STXBP4: variants seen among roughly 807,000 people sequenced by gnomAD.
The protein encoded by STXBP4 is syntaxin binding protein 4.
STXBP4 carries 55 observed loss-of-function variants against 76.1 expected under a neutral mutation model. That is an observed-to-expected ratio of 0.72 (90% confidence interval 0.58 to 0.91). STXBP4 has a LOEUF of 0.91. Among genes scored for constraint, STXBP4 ranks in the 40% least tolerant of loss-of-function variants. STXBP4 has a pLI of 0.00. For synonymous variants in STXBP4, 201 were observed against 220.2 expected, an observed-to-expected ratio of 0.91 and a Z score of 0.77; for missense variants, 618 against 636.9, an observed-to-expected ratio of 0.97 and a Z score of 0.32.
intron 16 of STXBP4, among the ~76,000 whole-genome samples, chr17:55,122,516 A>T (rs1045577164): frequency 6.6e-6 from 1 of 152,230 alleles, no homozygotes; most frequent in Non-Finnish European, 1.5e-5. Flanking sequence ...TAAATGAAGG[A>T]ATGTGGTCTA....
intron 1 of STXBP4, among the ~76,000 whole-genome samples, chr17:54,984,467 C>T (rs1250384483): frequency 2.0e-5 from 3 of 151,366 alleles, no homozygotes; most frequent in South Asian, 2.1e-4. Context: ...CTCAGCCTCC[C>T]GAGTAGCTGG....
chr17:54,989,515 C>T (rs2077682187), intron 3 of STXBP4, among the ~76,000 whole-genome samples: 2 of 152,096 alleles, frequency 1.3e-5, no homozygotes, highest in Non-Finnish European at 2.9e-5. Flanking sequence ...TCACATTTTG[C>T]CTCTGAAGTA....
rs2080396709 is a variant in STXBP4 at position 55,169,855 on chromosome 17, G to C, written c.*9944G>C. 6.6e-6 allele frequency: 1 copy of C among 152,208 alleles called. No individual in the cohort carries two copies. Among genetic ancestry groups the C allele is most frequent in the Non-Finnish European group, 1.5e-5 (1 of 68,040 alleles). The allele number at this position is 152,208 out of a possible 1,614,324, so 9.4% of individuals were successfully genotyped here. A position where few individuals can be genotyped will look rare whatever the true frequency, so the allele number is the denominator to read the frequency against. ...ACAATCCAAGACAGATAATTTTGTA[G>C]TATTTACTGTGTGAAGTGAACCTTT... On this transcript the variant is annotated 3_prime_UTR_variant, in exon 18 of 18. Transcript: ENST00000376352.
intron 16 of STXBP4, among the ~76,000 whole-genome samples, chr17:55,123,389 T>C (rs1277393208): frequency 6.6e-6 from 1 of 152,198 alleles, no homozygotes; most frequent in East Asian, 1.9e-4. Flanking sequence ...CAGGTTTTTT[T>C]CCTGAATTAA....
At chr17:55,014,234 T>G (rs191742336) in intron 8 of STXBP4, among the ~76,000 whole-genome samples, 158 of 152,242 alleles carry the variant, frequency 1.0e-3, no homozygotes, top group Non-Finnish European at 8.8e-5. Context: ...GGGCATTCTT[T>G]CCTTGTCCAT....
chr17:55,019,100 TA>T (rs2078259341), intron 8 of STXBP4, among the ~76,000 whole-genome samples: 1 of 152,270 alleles, frequency 6.6e-6, no homozygotes, highest in Non-Finnish European at 1.5e-5. Context: ...CTACTAGTCT[TA>T]TGTAAGAGTT....
At chr17:55,120,211 T>C (rs933361267) in intron 16 of STXBP4, among the ~76,000 whole-genome samples, 1 of 152,234 alleles carries the variant, frequency 6.6e-6, no homozygotes, top group Non-Finnish European at 1.5e-5. Context: ...TCAGTCTTTA[T>C]TGTTCTATAC....
chr17:55,144,301 A>G (rs1274855327), intron 17 of STXBP4, among the ~76,000 whole-genome samples: 1 of 152,166 alleles, frequency 6.6e-6, no homozygotes. Flanking sequence ...GGTGTTTGGC[A>G]TAAGTTAGTT....
intron 16 of STXBP4, among the ~76,000 whole-genome samples, chr17:55,122,513 A>G (rs2079857213): frequency 6.6e-6 from 1 of 152,266 alleles, no homozygotes; most frequent in Admixed American, 6.5e-5. Context: ...AGATAAATGA[A>G]GGAATGTGGT....
chr17:55,179,292 C>T, the STXBP4 span, among the ~76,000 whole-genome samples: 3 of 151,912 alleles, frequency 2.0e-5, no homozygotes, highest in African/African-American at 7.3e-5. Context: ...AAAGGAATGT[C>T]TCATATTGAT....
At chr17:55,146,727 A>G (rs10432032) in intron 17 of STXBP4, among the ~76,000 whole-genome samples, 82 of 64,478 alleles carry the variant, frequency 1.3e-3, no homozygotes, top group African/African-American at 6.5e-3. Flanking sequence ...AAAAAAAAAG[A>G]AAAAAAAAAA....
chr17:55,106,446 T>C (rs2079636186), intron 16 of STXBP4, among the ~76,000 whole-genome samples: 1 of 152,124 alleles, frequency 6.6e-6, no homozygotes, highest in South Asian at 2.1e-4. Flanking sequence ...TAATTGGGCA[T>C]TTAGCCTGTT....
intron 16 of STXBP4, among the ~76,000 whole-genome samples, chr17:55,124,563 G>A (rs2079884816): frequency 6.6e-6 from 1 of 152,156 alleles, no homozygotes; most frequent in Admixed American, 6.5e-5. Context: ...GGTAGATTTT[G>A]TTTTTCTGAG....
At chr17:55,034,783 A>T (rs1366525872) in intron 10 of STXBP4, among the ~76,000 whole-genome samples, 1 of 152,104 alleles carries the variant, frequency 6.6e-6, no homozygotes, top group Non-Finnish European at 1.5e-5. Flanking sequence ...AAAATTGGGT[A>T]ACTACTCTTT....
At chr17:55,040,821 T>C (rs1188645489) in intron 10 of STXBP4, among the ~76,000 whole-genome samples, 1 of 152,316 alleles carries the variant, frequency 6.6e-6, no homozygotes, top group South Asian at 2.1e-4. Flanking sequence ...TAAATTTCAG[T>C]AGTTACTGAT....
chr17:55,047,185 CGTGTGTGTGTGT>C lies in STXBP4; in HGVS notation c.1011+53_1011+64del, dbSNP rs34336794. 4.8e-4 allele frequency: 389 copies of C among 808,030 alleles called. 2 individuals are homozygous for C. The South Asian group carries it at 7.1e-3, about 15-fold the overall frequency. The allele number at this position is 808,030 out of a possible 1,614,324, so 50.1% of individuals were successfully genotyped here. A position where few individuals can be genotyped will look rare whatever the true frequency, so the allele number is the denominator to read the frequency against. On this transcript the variant is annotated intron_variant, in intron 12 of 17. Transcript: ENST00000376352. ...TATATGTATTGTGTATATATGTGCTCGTGTGTGTGTGTGTGTGTGTGTGTGTGTGTGTGAACA... is the reference window on the plus strand; with the variant it reads ...TATATGTATTGTGTATATATGTGCTCGTGTGTGTGTGTGTGTGTGTGAACA...
At chr17:55,037,358 T>G (rs1486808438) in intron 10 of STXBP4, among the ~76,000 whole-genome samples, 1 of 152,164 alleles carries the variant, frequency 6.6e-6, no homozygotes, top group Non-Finnish European at 1.5e-5. Flanking sequence ...CAGAGTATTT[T>G]GTATGAGCAA....
At chr17:54,972,855 C>A (rs1331265261) in intron 1 of STXBP4, among the ~76,000 whole-genome samples, 1 of 152,186 alleles carries the variant, frequency 6.6e-6, no homozygotes, top group Non-Finnish European at 1.5e-5. Flanking sequence ...CTTACTTGCT[C>A]AATTCCCCCC....
At position 55,162,725 on chromosome 17, in the gene STXBP4, G is replaced by A. The variant is rs1177026976; in HGVS notation, c.*2814G>A. ...AGATAGCCTGTCTCACTTTCCAGAG[G>A]TAGCAGTCACTAATACTGTGGTGAG... On this transcript the variant is annotated 3_prime_UTR_variant, in exon 18 of 18. Transcript: ENST00000376352. 6.6e-6 allele frequency: 1 copy of A among 152,166 alleles called. No individual in the cohort carries two copies. The highest frequency in any genetic ancestry group is 1.5e-5 in the Non-Finnish European group (1 of 68,014). 9.4% of individuals were successfully genotyped at this position (152,166 alleles called of 1,614,324 possible).
Sources: allele counts gnomAD v4.1 joint callset (sites outside exome capture counted in the v4.1 genomes callset), GRCh38; gene constraint gnomAD v4.1.1; transcripts MANE v1.5; gene names NCBI Gene and HGNC (gene_info 2026-07-23, HGNC 2026-07-21).